Variants in ATP8B3 observed in about 807,000 individuals in gnomAD.
The protein encoded by ATP8B3 is phospholipid-transporting ATPase IK.
A neutral mutation model predicts 140.9 loss-of-function variants in ATP8B3; 141 were observed. The ratio of observed to expected loss-of-function variants is 1.00; its 90% CI spans 0.87 to 1.15. ATP8B3 has a LOEUF of 1.15. Among genes scored for constraint, ATP8B3 ranks in the 50% most tolerant of loss-of-function variants. The probability of loss-of-function intolerance (pLI) is 0.00; values close to 1 mark genes in which losing one functional copy is unlikely to be tolerated. For missense variants in ATP8B3, 1,874 were observed against 1,740.6 expected (o/e 1.08, Z -1.36); for synonymous variants, 765 against 714.6 (o/e 1.07, Z -1.13).
At position 1,789,617 on chromosome 19, in the gene ATP8B3, G is replaced by A. The variant is rs1568624108; in HGVS notation, c.2589C>T (p.Ala863=). The change falls in exon 23 of 29, where the codon GCC becomes GCT. Residue 863 remains alanine, a synonymous_variant. Transcript: ENST00000310127. ...TCCGGCACAGCAGGGACAGGCGCCT[G>A]GCGTAGAGGAAATCCCTCCTGGACT... ...LGQSRRDFLY[A]RRLSLLCRRF... The A allele has an allele frequency of 6.3e-7, 1 of 1,593,100 alleles. No homozygotes were observed. The highest frequency in any genetic ancestry group is 2.3e-5 in the East Asian group (1 of 44,048).
chr19:1,801,096 G>A (rs1314426225), intron 12 of ATP8B3, among the ~76,000 whole-genome samples: 1 of 151,818 alleles, frequency 6.6e-6, no homozygotes, highest in Non-Finnish European at 1.5e-5. Context: ...CCAAGGTGCT[G>A]GGATTACAGG....
intron 28 of ATP8B3, among the ~76,000 whole-genome samples, chr19:1,783,613 G>A (rs1029449112): frequency 1.3e-4 from 20 of 152,174 alleles, no homozygotes; most frequent in African/African-American, 3.4e-4. Flanking sequence ...GTCCTTCCCC[G>A]ACTCTGGACC....
chr19:1,796,338 T>A, intron 16 of ATP8B3, 73 bp from the exon 17 acceptor site: 1 of 1,363,318 alleles, frequency 7.3e-7, no homozygotes, highest in South Asian at 1.3e-5. Context: ...AGGGAGGAGA[T>A]GGGTATCGCC....
At position 1,800,197 on chromosome 19, in the gene ATP8B3, G is replaced by A. The variant is rs765086635; in HGVS notation, c.1344-42C>T. 1.9e-6 allele frequency: 3 copies of A among 1,588,606 alleles called. No individual in the cohort carries two copies. Among genetic ancestry groups the A allele is most frequent in the Non-Finnish European group, 1.7e-6 (2 of 1,166,822 alleles). On this transcript the variant is annotated intron_variant, in intron 13 of 28. Transcript: ENST00000310127. This position sits in a 1 kb window ranked among gnomAD's most constrained non-coding sequence, Gnocchi z 4.4. ...GGTCACGGTCAGCCCCGCCTGCTGT[G>A]TGCCATCCCCATGCCTCCCCGTTCC...
intron 25 of ATP8B3, among the ~76,000 whole-genome samples, 153 bp downstream of exon 25, chr19:1,786,950 A>G (rs528342216): frequency 2.6e-5 from 4 of 152,268 alleles, no homozygotes; most frequent in Admixed American, 2.6e-4. Flanking sequence ...GGTCAATGGC[A>G]GTGGGCAGGG....
intron 4 of ATP8B3, 105 bp downstream of exon 4, chr19:1,809,538 A>G: frequency 1.1e-6 from 1 of 918,722 alleles, no homozygotes; most frequent in Non-Finnish European, 1.7e-6. Flanking sequence ...AAAACTATCG[A>G]GCAAATACAA....
chr19:1,786,765 C>T (rs984328276), intron 25 of ATP8B3, among the ~76,000 whole-genome samples: 7 of 151,936 alleles, frequency 4.6e-5, no homozygotes, highest in Admixed American at 4.6e-4. Flanking sequence ...ATCACGTAGC[C>T]AGGGCCTCTT....
At position 1,810,673 on chromosome 19, in the gene ATP8B3, T is replaced by C; in HGVS notation, c.259A>G (p.Met87Val). 6.2e-7 allele frequency: 1 copy of C among 1,612,588 alleles called. No individual in the cohort carries two copies. Residue 87 changes from methionine to valine, a missense_variant, in exon 3 of 29, where the codon ATG becomes GTG. Around this residue, in one of 3 missense-constraint regions of ATP8B3, gnomAD observed 1,032 missense variants for 963.6 expected, o/e 1.07. Transcript: ENST00000310127. ...YEWRPEGPTS[M>V]GSLGQREDLQ... is the part of the protein sequence containing the mutation. ...TCTTCTCTCTGGCCGAGGCTGCCCA[T>C]GCTGGTGGGGCTGTGGGAGAGAAGG...
At position 1,784,801 on chromosome 19, in the gene ATP8B3, G is replaced by T. The variant is rs1292949255; in HGVS notation, c.3660+18C>A. 6.3e-7 allele frequency: 1 copy of T among 1,584,188 alleles called. No homozygotes were observed. The highest frequency in any genetic ancestry group is 1.3e-5 in the African/African-American group (1 of 74,418). On this transcript the variant is annotated intron_variant, in intron 28 of 28. Transcript: ENST00000310127. ...TGGAATGTACCAGATGAGGACCCCA[G>T]GCCCAGGCCCACCTCACCTTGGCAC...
At chr19:1,791,096 G>C (rs988691054) in intron 20 of ATP8B3, among the ~76,000 whole-genome samples, 6 of 152,240 alleles carry the variant, frequency 3.9e-5, no homozygotes, top group African/African-American at 1.4e-4. Context: ...CATGTGCCTA[G>C]GATCCACAGT....
intron 25 of ATP8B3, 141 bp downstream of exon 25, chr19:1,786,962 G>A (rs1444990465): frequency 2.9e-6 from 2 of 678,288 alleles, no homozygotes; most frequent in Non-Finnish European, 4.9e-6. Context: ...TGGGCAGGGA[G>A]AGGTACTGGA....
chr19:1,799,423 C>CA (rs2145194193), intron 14 of ATP8B3: 1 of 170,828 alleles, frequency 5.9e-6, no homozygotes, highest in Non-Finnish European at 1.2e-5. Flanking sequence ...CGCACCACTG[C>CA]ACTCCAGCCT....
chr19:1,798,377 G>A (rs1224014824), intron 14 of ATP8B3, among the ~76,000 whole-genome samples: 2 of 151,896 alleles, frequency 1.3e-5, no homozygotes, highest in Non-Finnish European at 2.9e-5. Flanking sequence ...ATTTTTGTAC[G>A]GCCTGCGAGC....
In ATP8B3 at chr19:1,785,624, C is replaced by T. The variant is rs757543387; in HGVS notation, c.3238G>A (p.Val1080Ile). The T allele has an allele frequency of 1.4e-5, 22 of 1,613,148 alleles. No homozygotes were observed. Among genetic ancestry groups the T allele is most frequent in the South Asian group, 5.5e-5 (5 of 91,078 alleles). The change falls in exon 26 of 29, where the codon GTC (valine) becomes ATC (isoleucine). Residue 1080 changes from valine (V) to isoleucine (I), a missense_variant. Val to Ile is a conservative substitution (Grantham distance 29, BLOSUM62 3). This residue lies in a region of ATP8B3 where 840 missense variants were observed against 760.9 expected (regional missense o/e 1.10). Transcript: ENST00000310127. ...GTCACACCATGGGCGATGGCTTGGA[C>T]GAAGACCCAGTAGTTGAAGAGCTCG... is the stretch of plus-strand genomic sequence containing the variant. ...KDELFNYWVFVQAIAHGVTTS... is the reference protein window; with the variant it reads ...KDELFNYWVFIQAIAHGVTTS...
intron 28 of ATP8B3, among the ~76,000 whole-genome samples, chr19:1,783,873 G>A (rs1483452206): frequency 6.6e-6 from 1 of 152,078 alleles, no homozygotes; most frequent in Admixed American, 6.6e-5. Context: ...TTGCTCTGTT[G>A]CCCAGATAGG....
Position 1,806,102 on chromosome 19 carries a change from C to T in ATP8B3, c.745G>A (p.Val249Ile), listed in dbSNP as rs186171636. Residue 249 changes from valine to isoleucine, a missense_variant, in exon 8 of 29, where the codon GTC (valine) becomes ATC (isoleucine). Physicochemically the swap from Val to Ile is conservative, Grantham distance 29. Coordinates refer to ENST00000310127, the MANE Select transcript of ATP8B3 (RefSeq NM_138813.4). The surrounding 1 kb of genome is among the most constrained non-coding windows in gnomAD (Gnocchi z 5.6). ...CGGGGTCAACCCCAGCTCACTGGGA[C>T]GATGTTGTCCTTGCGGAGACAGACC... Reference protein sequence around the residue: ...DVVCLRKDNIVPADMLLLAST... With the variant: ...DVVCLRKDNIIPADMLLLAST... The T allele has an allele frequency of 3.6e-5, 57 of 1,602,210 alleles. No individual in the cohort carries two copies. In the East Asian group the frequency reaches 4.5e-4, roughly 13 times the overall value.
chr19:1,800,523 CA>C lies in ATP8B3; in HGVS notation c.1153-75del. ...CTCTGCCATCAGGATGGGGTAAACA[CA>C]AAGATAAGGCTGGGGCTGGGCACAG... On this transcript the variant is annotated intron_variant, in intron 12 of 28. Coordinates refer to ENST00000310127, the MANE Select transcript of ATP8B3 (RefSeq NM_138813.4). This position sits in a 1 kb window ranked among gnomAD's most constrained non-coding sequence, Gnocchi z 4.4. The C allele has an allele frequency of 1.5e-6, 2 of 1,368,688 alleles. No homozygotes were observed. Among genetic ancestry groups the C allele is most frequent in the Non-Finnish European group, 2.0e-6 (2 of 984,590 alleles). 84.8% of individuals were successfully genotyped at this position (1,368,688 alleles called of 1,614,324 possible). A position where few individuals can be genotyped will look rare whatever the true frequency, so the allele number is the denominator to read the frequency against.
At chr19:1,808,357 G>A in intron 4 of ATP8B3, 22 bp from the exon 5 acceptor site, 1 of 1,584,346 alleles carries the variant, frequency 6.3e-7, no homozygotes, top group Non-Finnish European at 8.6e-7. Flanking sequence ...GCCGCGGGCT[G>A]CCTGGCAGAG....
At position 1,796,189 on chromosome 19, in the gene ATP8B3, G is replaced by A. The variant is rs2068667835; in HGVS notation, c.1830C>T (p.Phe610=). ...TGACGGTGTCCTGGGTGCGGGACAGGAACACGTAGCCGAAGTTCCGGGCTG... is the reference window on the plus strand; with the variant it reads ...TGACGGTGTCCTGGGTGCGGGACAGAAACACGTAGCCGAAGTTCCGGGCTG... ...VTAARNFGYV[F]LSRTQDTVTI... is the part of the protein sequence containing the mutation. Residue 610 remains phenylalanine, a synonymous_variant, in exon 17 of 29, where the codon TTC becomes TTT. Coordinates refer to ENST00000310127, the MANE Select transcript of ATP8B3 (RefSeq NM_138813.4). 6.2e-7 allele frequency: 1 copy of A among 1,612,788 alleles called. No homozygotes were observed. The highest frequency in any genetic ancestry group is 1.7e-5 in the Admixed American group (1 of 59,992).
Sources: gnomAD v4.1 joint callset for allele counts (sites outside exome capture counted in the v4.1 genomes callset) on GRCh38, gnomAD v4.1.1 for gene constraint, gnomAD v4.1.1 regional missense constraint, Gnocchi (gnomAD v3.1) non-coding constraint, MANE v1.5 for transcripts, NCBI Gene and HGNC (gene_info 2026-07-23, HGNC 2026-07-21) for gene names.